KIF26B: variants seen among roughly 807,000 people sequenced by gnomAD.
KIF26B encodes kinesin-like protein KIF26B.
KIF26B carries 63 observed loss-of-function variants against 151.2 expected under a neutral mutation model. The ratio of observed to expected loss-of-function variants is 0.42; its 90% CI spans 0.34 to 0.51. The LOEUF is 0.51. KIF26B is among the 20% of genes least tolerant of loss of function. The pLI, the probability that KIF26B is intolerant of heterozygous loss-of-function variation, is 0.07. For missense variants in KIF26B, 2,813 were observed against 2,913.6 expected (o/e 0.97, Z 0.79); for synonymous variants, 1,357 against 1,262.1 (o/e 1.08, Z -1.59).
chr1:245,455,752 G>T (rs1223654637), intron 4 of KIF26B, among the ~76,000 whole-genome samples: 1 of 152,154 alleles, frequency 6.6e-6, no homozygotes, highest in African/African-American at 2.4e-5. Flanking sequence ...CTAGACTCTT[G>T]GTTGGGAAGT....
intron 2 of KIF26B, among the ~76,000 whole-genome samples, chr1:245,281,584 T>G (rs1429886676): frequency 1.5e-5 from 2 of 132,266 alleles, no homozygotes; most frequent in African/African-American, 5.9e-5. Context: ...TAGTTTCTTT[T>G]GCTGTGCAGA....
At chr1:245,325,451 C>A (rs984430717) in intron 2 of KIF26B, among the ~76,000 whole-genome samples, 3 of 152,184 alleles carry the variant, frequency 2.0e-5, no homozygotes, top group Non-Finnish European at 4.4e-5. Flanking sequence ...CGGTGGCTCA[C>A]GCCAGTAATC....
chr1:245,258,293 G>A (rs1398956020), intron 2 of KIF26B, among the ~76,000 whole-genome samples: 1 of 152,210 alleles, frequency 6.6e-6, no homozygotes, highest in African/African-American at 2.4e-5. Flanking sequence ...TGAAAGGCAG[G>A]TCTGACACAG....
chr1:245,264,594 A>C (rs1017518030), intron 2 of KIF26B, among the ~76,000 whole-genome samples: 25 of 150,984 alleles, frequency 1.7e-4, no homozygotes, highest in Admixed American at 3.3e-4. Flanking sequence ...AAAACAAAAC[A>C]AAAAAAAACA....
intron 10 of KIF26B, among the ~76,000 whole-genome samples, chr1:245,647,514 A>G (rs779530075): frequency 1.2e-4 from 19 of 152,042 alleles, no homozygotes; most frequent in Admixed American, 3.3e-4. Flanking sequence ...GTCTGGTTAC[A>G]CCTATCTAGT....
Position 245,702,413 on chromosome 1 carries a change from A to G in KIF26B, c.6179-45A>G. 6.2e-7 allele frequency: 1 copy of G among 1,609,764 alleles called. No homozygotes were observed. The highest frequency in any genetic ancestry group is 1.1e-5 in the South Asian group (1 of 90,708). ...GCTGAGCCGTCGGGAGTTGCTTCTC[A>G]CCCTGTTTGCTCTGCGTCTCCATCA... is the stretch of plus-strand genomic sequence containing the variant. On this transcript the variant is annotated intron_variant, in intron 14 of 14. Coordinates refer to ENST00000407071, the MANE Select transcript of KIF26B (RefSeq NM_018012.4). The surrounding 1 kb of genome is among the most constrained non-coding windows in gnomAD (Gnocchi z 4.1).
chr1:245,331,551 C>G (rs775812038), intron 2 of KIF26B, among the ~76,000 whole-genome samples: 17 of 152,136 alleles, frequency 1.1e-4, no homozygotes, highest in Non-Finnish European at 2.1e-4. Context: ...CACTTCGTCT[C>G]TAAGTGAGAT....
intron 2 of KIF26B, among the ~76,000 whole-genome samples, chr1:245,217,882 TCAC>T (rs1375319329): frequency 6.6e-6 from 1 of 152,126 alleles, no homozygotes; most frequent in Non-Finnish European, 1.5e-5. Context: ...CATTTGATCA[TCAC>T]CAACCTGCCG....
chr1:245,435,013 ATCCATCTC>A (rs1658872357), intron 4 of KIF26B, among the ~76,000 whole-genome samples: 1 of 148,902 alleles, frequency 6.7e-6, no homozygotes, highest in African/African-American at 2.5e-5. Context: ...CCATCCATCC[ATCCATCTC>A]TCCATCCACC....
chr1:245,607,066 CA>C (rs35411674), intron 6 of KIF26B, among the ~76,000 whole-genome samples: 9,984 of 72,790 alleles, frequency 0.14, 317 homozygotes, highest in African/African-American at 0.25. Context: ...AACTCCGTCT[CA>C]AAAAAAAAAA....
Position 245,556,328 on chromosome 1 carries a change from CCTT to C in KIF26B, c.1350+15383_1350+15385del, listed in dbSNP as rs1415831874. Among the ~76,000 whole-genome samples the C allele has an allele frequency of 5.7e-5, 7 of 123,470 alleles. No individual in the cohort carries two copies. In the East Asian group the frequency reaches 9.1e-4, roughly 16 times the overall value. The allele number at this position is 123,470 out of a possible 152,430, so 81.0% of individuals were successfully genotyped here. A position where few individuals can be genotyped will look rare whatever the true frequency, so the allele number is the denominator to read the frequency against. Reference sequence around the variant, plus strand: ...CCTCCTCCTCCTTCTTCTTCTTCCTCCTTCTTCCTCCTTCCTCCCTCCTCCTCC... The same window carrying C: ...CCTCCTCCTCCTTCTTCTTCTTCCTCCTTCCTCCTTCCTCCCTCCTCCTCC... On this transcript the variant is annotated intron_variant, in intron 5 of 14. Coordinates refer to ENST00000407071, the MANE Select transcript of KIF26B (RefSeq NM_018012.4).
At chr1:245,641,540 TCTGA>T (rs147264261) in intron 9 of KIF26B, among the ~76,000 whole-genome samples, 15,404 of 152,138 alleles carry the variant, frequency 0.1, 921 homozygotes, top group African/African-American at 0.16. Context: ...TTTTTTCTCT[TCTGA>T]CTGTCTATTT....
rs867598585 is a variant in KIF26B at position 245,314,193 on chromosome 1, A to G, written c.466-52641A>G. 5.9e-5 allele frequency among the ~76,000 whole-genome samples: 9 copies of G among 152,262 alleles called. 1 individual carries two copies. The highest frequency in any genetic ancestry group is 2.2e-4 in the African/African-American group (9 of 41,550). On this transcript the variant is annotated intron_variant, in intron 2 of 14. Transcript: ENST00000407071. Reference sequence around the variant, plus strand: ...CGGGGGGCGGTGACTCACACTTGTAATCCCAGCACTTTGGGAGGCCTAGGC... The same window carrying G: ...CGGGGGGCGGTGACTCACACTTGTAGTCCCAGCACTTTGGGAGGCCTAGGC...
At chr1:245,607,279 G>A (rs990862883) in intron 6 of KIF26B, among the ~76,000 whole-genome samples, 4 of 152,218 alleles carry the variant, frequency 2.6e-5, no homozygotes, top group Admixed American at 2.6e-4. Flanking sequence ...TCAGCAGAGG[G>A]TGAGTGGAGA....
chr1:245,268,920 G>A (rs1670798523), intron 2 of KIF26B, among the ~76,000 whole-genome samples: 1 of 152,260 alleles, frequency 6.6e-6, no homozygotes, highest in East Asian at 1.9e-4. Context: ...TGCTTTGTGT[G>A]TCTGGTACAG....
chr1:245,562,083 A>G (rs2042961217), intron 5 of KIF26B, among the ~76,000 whole-genome samples: 2 of 152,096 alleles, frequency 1.3e-5, no homozygotes, highest in African/African-American at 2.4e-5. Context: ...CTCAGCACTG[A>G]TACTCGTCCT....
chr1:245,376,116 A>G (rs1313394561), intron 3 of KIF26B, among the ~76,000 whole-genome samples: 1 of 152,116 alleles, frequency 6.6e-6, no homozygotes. Flanking sequence ...GGAAGGAGAG[A>G]CTTCACTGAA....
At chr1:245,331,209 C>G (rs758331551) in intron 2 of KIF26B, among the ~76,000 whole-genome samples, 2 of 152,040 alleles carry the variant, frequency 1.3e-5, no homozygotes, top group African/African-American at 2.4e-5. Context: ...AGACATGGAT[C>G]GCGCTCTTGC....
intron 5 of KIF26B, among the ~76,000 whole-genome samples, chr1:245,595,303 C>T (rs987407880): frequency 2.0e-5 from 3 of 152,142 alleles, no homozygotes; most frequent in East Asian, 3.8e-4. Context: ...GTGGGTTTGT[C>T]ATAAATAGCT....
Sources: gnomAD v4.1 joint callset for allele counts (sites outside exome capture counted in the v4.1 genomes callset) on GRCh38, gnomAD v4.1.1 for gene constraint, Gnocchi (gnomAD v3.1) non-coding constraint, MANE v1.5 for transcripts, NCBI Gene and HGNC (gene_info 2026-07-23, HGNC 2026-07-21) for gene names.